Variants in METTL9 observed in about 807,000 individuals in gnomAD.
METTL9 encodes methyltransferase 9, His-X-His N1(pi)-histidine.
In METTL9, 10 loss-of-function variants were observed where a neutral mutation model predicts 36.0. The ratio of observed to expected loss-of-function variants is 0.28; its 90% CI spans 0.17 to 0.47. The LOEUF is 0.47. Among genes scored for constraint, METTL9 ranks in the 20% least tolerant of loss-of-function variants. The pLI is 0.99. For synonymous variants in METTL9, 175 were observed against 149.7 expected, an observed-to-expected ratio of 1.17 and a Z score of -1.23; for missense variants, 246 against 383.5, an observed-to-expected ratio of 0.64 and a Z score of 3.00.
Position 21,624,915 on chromosome 16 carries a change from T to C in METTL9, c.567-16T>C. On this transcript the variant is annotated splice_polypyrimidine_tract_variant and intron_variant, in intron 3 of 4. Coordinates refer to ENST00000358154, the MANE Select transcript of METTL9 (RefSeq NM_016025.5). ...GAGGGACTTTATGTTAATACAGTTA[T>C]TTCTGATTTTTCTAGAGTCCTTGGT... The C allele has an allele frequency of 6.2e-7, 1 of 1,610,772 alleles. No homozygotes were observed. The highest frequency in any genetic ancestry group is 1.3e-5 in the African/African-American group (1 of 74,950).
chr16:21,625,345 G>A (rs1396520103), intron 4 of METTL9: 3 of 501,550 alleles, frequency 6.0e-6, no homozygotes, highest in South Asian at 2.4e-5. Flanking sequence ...TATTTAGCTG[G>A]GTCTGACTGC....
chr16:21,631,422 A>T (rs1296120607), intron 4 of METTL9, among the ~76,000 whole-genome samples: 1 of 152,196 alleles, frequency 6.6e-6, no homozygotes, highest in African/African-American at 2.4e-5. Context: ...ATTAACTTAG[A>T]ATTGGTATAG....
intron 3 of METTL9, among the ~76,000 whole-genome samples, chr16:21,623,795 G>A (rs1346485550): frequency 6.6e-6 from 1 of 151,918 alleles, no homozygotes; most frequent in African/African-American, 2.4e-5. Flanking sequence ...GTTTTGAGAT[G>A]GAGTCTGGCT....
At chr16:21,642,881 T>C (rs1966311199) in intron 4 of METTL9, among the ~76,000 whole-genome samples, 1 of 152,322 alleles carries the variant, frequency 6.6e-6, no homozygotes, top group South Asian at 2.1e-4. Flanking sequence ...CCTGGGGCTA[T>C]TTAATATTGT....
intron 4 of METTL9, among the ~76,000 whole-genome samples, chr16:21,637,783 C>T (rs911522075): frequency 6.6e-6 from 1 of 152,352 alleles, no homozygotes; most frequent in South Asian, 2.1e-4. Context: ...AGTCCGGCCT[C>T]GGCCAGCCAC....
chr16:21,654,386 G>A (rs1966658392), intron 4 of METTL9: 1 of 152,066 alleles, frequency 6.6e-6, no homozygotes, highest in African/African-American at 2.4e-5. Flanking sequence ...TGTAGTTTTT[G>A]TATCACCATA....
In METTL9 at chr16:21,625,053, A is replaced by T; in HGVS notation, c.689A>T (p.Glu230Val). The T allele has an allele frequency of 6.2e-7, 1 of 1,614,186 alleles. No individual in the cohort carries two copies. The highest frequency in any genetic ancestry group is 8.5e-7 in the Non-Finnish European group (1 of 1,180,040). Residue 230 changes from glutamate to valine, a missense_variant, in exon 4 of 5, where the codon GAG becomes GTG. This residue lies in a region of METTL9 where 146 missense variants were observed against 302.1 expected (regional missense o/e 0.48). Coordinates refer to ENST00000358154, the MANE Select transcript of METTL9 (RefSeq NM_016025.5). ...TLLKDIRSVL[E>V]PTRGRVILAL... The stretch of plus-strand genomic sequence containing the variant: ...TTAAAAGATATCAGAAGTGTCTTGG[A>T]GCCAACTAGAGGCAGGGTCATCCTT...
chr16:21,605,649 G>A (rs1201830865), intron 1 of METTL9, among the ~76,000 whole-genome samples: 2 of 152,146 alleles, frequency 1.3e-5, no homozygotes, highest in African/African-American at 4.8e-5. Flanking sequence ...AGATTTTGTA[G>A]TTTGTGAATT....
intron 4 of METTL9, among the ~76,000 whole-genome samples, chr16:21,636,666 A>C (rs961702886): frequency 1.3e-5 from 2 of 152,166 alleles, no homozygotes; most frequent in African/African-American, 4.8e-5. Context: ...GCCCAGAAGT[A>C]CTGGAAAGGC....
At chr16:21,607,117 C>T (rs796957540) in intron 1 of METTL9, among the ~76,000 whole-genome samples, 4 of 151,784 alleles carry the variant, frequency 2.6e-5, no homozygotes, top group African/African-American at 9.7e-5. Context: ...CTTTGTCGCC[C>T]AGGCTGGAGT....
intron 4 of METTL9, chr16:21,644,259 G>T: frequency 7.1e-7 from 1 of 1,399,084 alleles, no homozygotes; most frequent in South Asian, 1.2e-5. Flanking sequence ...CAAGGATATA[G>T]GGACATTCCA....
chr16:21,642,966 A>C, intron 4 of METTL9: 1 of 686,098 alleles, frequency 1.5e-6, no homozygotes, highest in Non-Finnish European at 2.5e-6. Flanking sequence ...GTTCTCTTTC[A>C]GACTCTTCTG....
chr16:21,615,076 A>G (rs1049529262), intron 2 of METTL9, among the ~76,000 whole-genome samples: 1 of 152,144 alleles, frequency 6.6e-6, no homozygotes, highest in Non-Finnish European at 1.5e-5. Context: ...GTCTACTCCC[A>G]TTGCCCCCTA....
chr16:21,637,340 G>A lies in METTL9; in HGVS notation c.751+12225G>A, dbSNP rs180959369. Among the ~76,000 whole-genome samples, 139 of 152,010 alleles carry A rather than the reference G, an allele frequency of 9.1e-4. 2 individuals carry two copies. The East Asian group carries it at 0.022, about 24-fold the overall frequency. On this transcript the variant is annotated intron_variant, in intron 4 of 4. Transcript: ENST00000358154. ...TTTAGAATCCTTTAGCTAGACACAA[G>A]TTCTCCAAGTCTGCTACCCGGCTAG...
At chr16:21,647,021 G>C (rs1418662219) in intron 4 of METTL9, 2 of 1,368,340 alleles carry the variant, frequency 1.5e-6, no homozygotes, top group Admixed American at 3.4e-5. Context: ...TCACTGGCTA[G>C]GGTATTAACT....
At chr16:21,608,011 G>A (rs1965334102) in intron 1 of METTL9, among the ~76,000 whole-genome samples, 1 of 152,072 alleles carries the variant, frequency 6.6e-6, no homozygotes, top group African/African-American at 2.4e-5. Context: ...TAGCCAGGCG[G>A]GGTGGTAGGT....
Position 21,601,729 on chromosome 16 carries a change from CTGTGTGTG to C in METTL9, c.165+1857_165+1864del, listed in dbSNP as rs57264395. On this transcript the variant is annotated intron_variant, in intron 1 of 4. Transcript: ENST00000358154. ...TTATTTCAGATACCGTATTTATATT[CTGTGTGTG>C]TGTGTGTGTGTGTGTGTGTGTGTGT... 1.0e-3 allele frequency among the ~76,000 whole-genome samples: 147 copies of C among 145,832 alleles called. 2 individuals are homozygous for C. Among genetic ancestry groups the C allele is most frequent in the Non-Finnish European group, 1.7e-3 (114 of 66,086 alleles).
rs528457613 is a variant in METTL9 at position 21,618,783 on chromosome 16, G to A, written c.566+709G>A. 4.6e-5 allele frequency among the ~76,000 whole-genome samples: 7 copies of A among 151,360 alleles called. No homozygotes were observed. In the South Asian group the frequency reaches 1.3e-3, roughly 27 times the overall value. On this transcript the variant is annotated intron_variant, in intron 3 of 4. Coordinates refer to ENST00000358154, the MANE Select transcript of METTL9 (RefSeq NM_016025.5). ...GGCTGGAGTGCAGTGGCACGATCTC[G>A]GCTCACTACAACCTCTACCTCTCAG...
chr16:21,606,441 G>T (rs541439248), intron 1 of METTL9, among the ~76,000 whole-genome samples: 1 of 152,182 alleles, frequency 6.6e-6, no homozygotes, highest in African/African-American at 2.4e-5. Flanking sequence ...GGTGAGGTGT[G>T]GGAGGTGGTG....
Sources: allele counts gnomAD v4.1 joint callset (sites outside exome capture counted in the v4.1 genomes callset), GRCh38; gene constraint gnomAD v4.1.1; regional missense constraint gnomAD v4.1.1; transcripts MANE v1.5; gene names NCBI Gene and HGNC (gene_info 2026-07-23, HGNC 2026-07-21).